Variants in CFB observed in about 807,000 individuals in gnomAD.
CFB encodes B-factor, properdin.
Under a neutral mutation model 97.2 loss-of-function variants are expected in CFB, and 59 were observed. The observed-to-expected ratio is 0.61, with a 90% confidence interval of 0.49 to 0.75. The LOEUF is 0.75. Ranked by LOEUF, CFB falls within the 30% of genes least tolerant of loss-of-function variation. CFB has a pLI of 0.00. For missense variants in CFB, 771 were observed against 959.8 expected, an observed-to-expected ratio of 0.80 and a Z score of 2.60; for synonymous variants, 316 against 351.7, an observed-to-expected ratio of 0.90 and a Z score of 1.14.
At chr6:31,949,210 T>C (rs767837935) in intron 8 of CFB, 33 bp from the exon 9 acceptor site, 8 of 1,609,052 alleles carry the variant, frequency 5.0e-6, no homozygotes, top group East Asian at 2.2e-5. Flanking sequence ...ATCTTCCTTA[T>C]CTCCTACCCT....
intron 12 of CFB, 47 bp from the exon 13 acceptor site, chr6:31,950,572 G>A: frequency 6.2e-7 from 1 of 1,612,206 alleles, no homozygotes; most frequent in Non-Finnish European, 8.5e-7. Context: ...CGGGGCCAGA[G>A]GCAGGAAGCT....
chr6:31,947,855 G>A lies in CFB; in HGVS notation c.760+12G>A. On this transcript the variant is annotated intron_variant, in intron 5 of 17. Coordinates refer to ENST00000425368, the MANE Select transcript of CFB (RefSeq NM_001710.6). The surrounding 1 kb of genome is among the most constrained non-coding windows in gnomAD (Gnocchi z 5.3). ...TGGGCACGGCCCAGGTTTGAAGACA[G>A]AGAAGGGAGGCAGGGCAGGGAACTG... 1 of 1,614,010 alleles carries A rather than the reference G, an allele frequency of 6.2e-7. No individual in the cohort carries two copies. Among genetic ancestry groups the A allele is most frequent in the Non-Finnish European group, 8.5e-7 (1 of 1,180,020 alleles).
At position 31,949,538 on chromosome 6, in the gene CFB, T is replaced by C; in HGVS notation, c.1389T>C (p.Asp463=). 6.2e-7 allele frequency: 1 copy of C among 1,613,244 alleles called. No individual in the cohort carries two copies. The highest frequency in any genetic ancestry group is 8.5e-7 in the Non-Finnish European group (1 of 1,180,038). Residue 463 remains aspartate (D), a synonymous_variant, in exon 10 of 18, where the codon GAT becomes GAC. Transcript: ENST00000425368. Reference sequence around the variant, plus strand: ...TCAAGGATATGGAAAACCTGGAAGATGTTTTCTACCAAATGATCGGTAGGG... The same window carrying C: ...TCAAGGATATGGAAAACCTGGAAGACGTTTTCTACCAAATGATCGGTAGGG... The part of the protein sequence containing the change: ...FKVKDMENLE[D]VFYQMIDESQ...
chr6:31,951,281 C>T lies in CFB; in HGVS notation c.1956+37C>T, dbSNP rs778433736. 6.2e-7 allele frequency: 1 copy of T among 1,613,532 alleles called. No individual in the cohort carries two copies. The highest frequency in any genetic ancestry group is 1.1e-5 in the South Asian group (1 of 91,078). On this transcript the variant is annotated intron_variant, in intron 15 of 17. Transcript: ENST00000425368. This position sits in a 1 kb window ranked among gnomAD's most constrained non-coding sequence, Gnocchi z 4.3. ...GCATCCTAAGGAGGCACTCTAGGCC[C>T]CAATCCTTCCTAAGCCACTTCTGTT...
chr6:31,950,253 T>C (rs770192315), intron 11 of CFB, 33 bp from the exon 12 acceptor site: 4 of 1,608,938 alleles, frequency 2.5e-6, no homozygotes, highest in African/African-American at 1.3e-5. Context: ...TTTGTGAAAG[T>C]TGAGCTTTCC....
Position 31,947,515 on chromosome 6 carries a change from T to G in CFB, c.652T>G (p.Cys218Gly), listed in dbSNP as rs1447154352. 3 of 1,612,988 alleles carry G rather than the reference T, an allele frequency of 1.9e-6. No individual in the cohort carries two copies. Among genetic ancestry groups the G allele is most frequent in the Non-Finnish European group, 2.5e-6 (3 of 1,180,024 alleles). Residue 218 changes from cysteine (C) to glycine (G), a missense_variant, in exon 4 of 18, where the codon TGC becomes GGC. By Grantham distance (159) the Cys-to-Gly change is radical. Coordinates refer to ENST00000425368, the MANE Select transcript of CFB (RefSeq NM_001710.6). The surrounding 1 kb of genome is among the most constrained non-coding windows in gnomAD (Gnocchi z 5.3). The stretch of plus-strand genomic sequence containing the variant: ...CTCTTGGAGCGGGACGGAGCCTTCC[T>G]GCCAAGGTGACCTTTGACCTGTACC... ...GGSWSGTEPS[C>G]QDSFMYDTPQ...
chr6:31,948,974 C>T lies in CFB; in HGVS notation c.1168+13C>T. 1 of 1,612,860 alleles carries T rather than the reference C, an allele frequency of 6.2e-7. No homozygotes were observed. Among genetic ancestry groups the T allele is most frequent in the East Asian group, 2.2e-5 (1 of 44,884 alleles). On this transcript the variant is annotated intron_variant, in intron 8 of 17. Transcript: ENST00000425368. ...CTCATGACTGATGGTCAGAAGGGAC[C>T]TCTCTCCTGTCCCAGCCTCCCCACC...
chr6:31,950,432 G>C lies in CFB; in HGVS notation c.1624+29G>C, dbSNP rs112395152. 5.3e-3 allele frequency: 8,402 copies of C among 1,596,102 alleles called. 105 individuals are homozygous for C. The highest frequency in any genetic ancestry group is 0.037 in the East Asian group (1,660 of 44,808). The stretch of plus-strand genomic sequence containing the variant: ...AGGATGCAACTGAAGGTCCTGGGCT[G>C]CACCTATGCTCTCCAGGCAACACCT... On this transcript the variant is annotated intron_variant, in intron 12 of 17. Transcript: ENST00000425368.
chr6:31,948,750 T>C, intron 7 of CFB, 80 bp from the exon 8 acceptor site: 1 of 1,608,038 alleles, frequency 6.2e-7, no homozygotes, highest in Admixed American at 1.7e-5. Flanking sequence ...AGATGTGGGA[T>C]TTCAGTTGCA....
intron 10 of CFB, 21 bp downstream of exon 10, chr6:31,949,578 A>AAAGAACACAACTCTCCTC (rs1416630460): frequency 1.2e-6 from 2 of 1,612,632 alleles, no homozygotes; most frequent in South Asian, 2.2e-5. Context: ...ACAAGGGAAT[A>AAAGAACACAACTCTCCTC]AAGAACACAA....
Position 31,948,918 on chromosome 6 carries a change from A to C in CFB, c.1125A>C (p.Glu375Asp). ...GCTGGCCAGATGACGTCCCTCCTGA[A>C]GGCTGGAACCGCACCCGCCATGTCA... Reference protein sequence around the residue: ...MMSWPDDVPPEGWNRTRHVII... With the variant: ...MMSWPDDVPPDGWNRTRHVII... The change falls in exon 8 of 18, where the codon GAA becomes GAC. Residue 375 changes from glutamate to aspartate, a missense_variant. By Grantham distance (45) the Glu-to-Asp change is conservative. Transcript: ENST00000425368. 1 of 1,612,752 alleles carries C rather than the reference A, an allele frequency of 6.2e-7. No homozygotes were observed.
At position 31,951,581 on chromosome 6, in the gene CFB, C is replaced by T; in HGVS notation, c.2116C>T (p.His706Tyr). Residue 706 changes from histidine (H) to tyrosine (Y), a missense_variant, in exon 17 of 18, where the codon CAC (histidine) becomes TAC (tyrosine). Transcript: ENST00000425368. This position sits in a 1 kb window ranked among gnomAD's most constrained non-coding sequence, Gnocchi z 4.3. ...RGDSGGPLIV[H>Y]KRSRFIQVGV... ...TGATTCTGGCGGCCCCTTGATAGTT[C>T]ACAAGAGAAGTCGTTTCATTCAAGT... 1.2e-6 allele frequency: 2 copies of T among 1,614,164 alleles called. No homozygotes were observed. Among genetic ancestry groups the T allele is most frequent in the Non-Finnish European group, 1.7e-6 (2 of 1,180,038 alleles).
chr6:31,946,764 G>A lies in CFB; in HGVS notation c.298+158G>A, dbSNP rs1366851569. On this transcript the variant is annotated intron_variant, in intron 2 of 17. Transcript: ENST00000425368. This position sits in a 1 kb window ranked among gnomAD's most constrained non-coding sequence, Gnocchi z 6.4. ...AGGCGGAAAGGGGGCAAGAAAAAGC[G>A]GAGTTAACCCTTACTAAGCATTTAC... 1.3e-5 allele frequency: 11 copies of A among 823,180 alleles called. No homozygotes were observed. The highest frequency in any genetic ancestry group is 6.0e-5 in the Admixed American group (3 of 50,140). 51.0% of individuals were successfully genotyped at this position (823,180 alleles called of 1,614,324 possible).
In CFB at chr6:31,947,325, C is replaced by T. The variant is rs373731176; in HGVS notation, c.485-23C>T. ...CGGGGCCTCAGGCTTCAGTGCTTAC[C>T]TCGATGTCTCATACCTCTGCAGCGG... On this transcript the variant is annotated intron_variant, in intron 3 of 17. Transcript: ENST00000425368. The surrounding 1 kb of genome is among the most constrained non-coding windows in gnomAD (Gnocchi z 5.3). The T allele has an allele frequency of 3.2e-5, 52 of 1,612,852 alleles. No individual in the cohort carries two copies. The African/African-American group carries it at 5.1e-4, about 16-fold the overall frequency.
At position 31,952,054 on chromosome 6, in the gene CFB, G is replaced by A. The variant is rs774187076; in HGVS notation, c.*24G>A. The A allele has an allele frequency of 1.3e-5, 21 of 1,611,604 alleles. No individual in the cohort carries two copies. Among genetic ancestry groups the A allele is most frequent in the South Asian group, 7.7e-5 (7 of 91,090 alleles). On this transcript the variant is annotated 3_prime_UTR_variant, in exon 18 of 18. Coordinates refer to ENST00000425368, the MANE Select transcript of CFB (RefSeq NM_001710.6). ...AAGGGGTTTCCTGCTGGACAGGGGC[G>A]TGGGATTGAATTAAAACAGCTGCGA...
chr6:31,950,534 G>A, intron 12 of CFB, 85 bp from the exon 13 acceptor site: 2 of 1,596,640 alleles, frequency 1.3e-6, no homozygotes, highest in Non-Finnish European at 1.7e-6. Context: ...AGTCAGGGAT[G>A]GGGGAAGACG....
chr6:31,948,189 C>A, intron 6 of CFB, 108 bp downstream of exon 6: 1 of 1,527,586 alleles, frequency 6.5e-7, no homozygotes, highest in Non-Finnish European at 8.9e-7. Flanking sequence ...CCAGGAAAAT[C>A]TCCAGGTCCT....
rs1771537395 is a variant in CFB at position 31,947,882 on chromosome 6, G to A, written c.760+39G>A. 6.2e-7 allele frequency: 1 copy of A among 1,614,014 alleles called. No individual in the cohort carries two copies. Among genetic ancestry groups the A allele is most frequent in the African/African-American group, 1.3e-5 (1 of 74,908 alleles). ...GAAGGGAGGCAGGGCAGGGAACTGG[G>A]GGAAAATGGAGAAGGGACAGAACTG... On this transcript the variant is annotated intron_variant, in intron 5 of 17. Transcript: ENST00000425368. This position sits in a 1 kb window ranked among gnomAD's most constrained non-coding sequence, Gnocchi z 5.3.
In CFB at chr6:31,951,269, G is replaced by A. The variant is rs755951817; in HGVS notation, c.1956+25G>A. The A allele has an allele frequency of 5.6e-6, 9 of 1,613,238 alleles. No homozygotes were observed. In the Admixed American group the frequency reaches 6.7e-5, roughly 12 times the overall value. ...GGTGAGAAACGGGCATCCTAAGGAG[G>A]CACTCTAGGCCCCAATCCTTCCTAA... On this transcript the variant is annotated intron_variant, in intron 15 of 17. Coordinates refer to ENST00000425368, the MANE Select transcript of CFB (RefSeq NM_001710.6). This position sits in a 1 kb window ranked among gnomAD's most constrained non-coding sequence, Gnocchi z 4.3.
Sources: allele counts gnomAD v4.1 joint callset, GRCh38; gene constraint gnomAD v4.1.1; non-coding constraint Gnocchi (gnomAD v3.1); transcripts MANE v1.5; gene names NCBI Gene and HGNC (gene_info 2026-07-23, HGNC 2026-07-21).